SHTN1: variants seen among roughly 807,000 people sequenced by gnomAD.
The protein encoded by SHTN1 is shootin-1.
Under a neutral mutation model 83.1 loss-of-function variants are expected in SHTN1, and 42 were observed. The ratio of observed to expected loss-of-function variants is 0.51; its 90% CI spans 0.39 to 0.65. SHTN1 has a LOEUF of 0.65. SHTN1 is among the 30% of genes least tolerant of loss of function. The pLI is 0.00. For synonymous variants in SHTN1, 224 were observed against 247.7 expected (o/e 0.90, Z 0.90); for missense variants, 622 against 737.8 (o/e 0.84, Z 1.82).
intron 1 of SHTN1, among the ~76,000 whole-genome samples, chr10:117,089,904 A>G (rs1853404065): frequency 1.3e-5 from 2 of 152,142 alleles, no homozygotes; most frequent in Admixed American, 1.3e-4. Flanking sequence ...AAAAACACAA[A>G]ACAAAAAACA....
intron 1 of SHTN1, among the ~76,000 whole-genome samples, chr10:117,086,544 T>A (rs1229924031): frequency 6.6e-6 from 1 of 152,220 alleles, no homozygotes; most frequent in Non-Finnish European, 1.5e-5. Flanking sequence ...TTTTCTGCCT[T>A]CTCTGGTTTT....
At chr10:117,079,014 G>A (rs1174267301) in intron 1 of SHTN1, among the ~76,000 whole-genome samples, 1 of 82,984 alleles carries the variant, frequency 1.2e-5, no homozygotes, top group Non-Finnish European at 2.6e-5. Context: ...CTTGGCTAGA[G>A]ATTTGTGAAT....
At chr10:116,999,574 A>G (rs1851750187) in intron 1 of SHTN1, among the ~76,000 whole-genome samples, 1 of 152,232 alleles carries the variant, frequency 6.6e-6, no homozygotes, top group African/African-American at 2.4e-5. Context: ...TTTTCACTTT[A>G]CACACTTGTT....
rs61072842 is a variant in SHTN1, at chr10:116,882,969, TACACACAC to T, written c.*3367_*3374del. 4.5e-4 allele frequency: 62 copies of T among 138,600 alleles called. No individual in the cohort carries two copies. The highest frequency in any genetic ancestry group is 9.2e-4 in the African/African-American group (36 of 39,108). 8.6% of individuals were successfully genotyped at this position (138,600 alleles called of 1,614,324 possible). On this transcript the variant is annotated 3_prime_UTR_variant, in exon 17 of 17. Coordinates refer to ENST00000355371, the MANE Select transcript of SHTN1 (RefSeq NM_001127211.3). Reference sequence around the variant, plus strand: ...GGGTGTTCACATACCCTTTGAAAAATACACACACACACACACACACACACACACACATC... The same window carrying T: ...GGGTGTTCACATACCCTTTGAAAAATACACACACACACACACACACACATC...
intron 9 of SHTN1, among the ~76,000 whole-genome samples, chr10:116,933,417 GT>G (rs1271874790): frequency 3.3e-5 from 5 of 151,972 alleles, no homozygotes; most frequent in African/African-American, 1.2e-4. Context: ...TACATGCAGT[GT>G]TTGGTTTTCT....
intron 1 of SHTN1, among the ~76,000 whole-genome samples, chr10:117,081,759 C>T (rs1377343568): frequency 6.7e-6 from 1 of 148,960 alleles, no homozygotes; most frequent in Non-Finnish European, 1.5e-5. Context: ...CTGGTTTAGT[C>T]TTGGGAGAGT....
At chr10:117,036,023 C>A (rs1852491820) in intron 2 of SHTN1, among the ~76,000 whole-genome samples, 1 of 150,218 alleles carries the variant, frequency 6.7e-6, no homozygotes, top group Non-Finnish European at 1.5e-5. Flanking sequence ...GTCAAATAGG[C>A]ATATGAAAAG....
At chr10:116,963,407 T>C (rs1056218847) in intron 3 of SHTN1, among the ~76,000 whole-genome samples, 1 of 152,128 alleles carries the variant, frequency 6.6e-6, no homozygotes, top group Non-Finnish European at 1.5e-5. Flanking sequence ...GCTATTCATG[T>C]AATAATTTGC....
At chr10:116,926,645 G>A (rs1360384217) in intron 11 of SHTN1, among the ~76,000 whole-genome samples, 6 of 151,592 alleles carry the variant, frequency 4.0e-5, no homozygotes, top group Non-Finnish European at 7.4e-5. Flanking sequence ...CAGCAAAGGT[G>A]CAAAGTATGA....
chr10:117,118,838 T>C (rs1028583578), intron 1 of SHTN1, among the ~76,000 whole-genome samples: 32 of 152,182 alleles, frequency 2.1e-4, no homozygotes, highest in Non-Finnish European at 7.3e-5. Context: ...CCGTGCTTTA[T>C]ACCTGGGTGA....
At chr10:117,032,359 G>A (rs549520154) in intron 2 of SHTN1, among the ~76,000 whole-genome samples, 4 of 151,940 alleles carry the variant, frequency 2.6e-5, no homozygotes, top group Admixed American at 1.3e-4. Context: ...ACCTACCACC[G>A]TGCCCGGCTA....
chr10:117,054,827 T>C (rs1852804836), intron 1 of SHTN1, among the ~76,000 whole-genome samples: 1 of 152,184 alleles, frequency 6.6e-6, no homozygotes, highest in African/African-American at 2.4e-5. Context: ...AAGACTCCGC[T>C]TCAAGATATC....
intron 2 of SHTN1, among the ~76,000 whole-genome samples, chr10:117,027,791 C>G (rs1852352484): frequency 6.6e-6 from 1 of 152,242 alleles, no homozygotes; most frequent in Admixed American, 6.5e-5. Context: ...AGCCACCGCA[C>G]CTGGCCCAGG....
intron 16 of SHTN1, among the ~76,000 whole-genome samples, chr10:116,896,801 C>CTTTTT (rs1230730641): frequency 4.1e-5 from 5 of 121,718 alleles, no homozygotes; most frequent in Non-Finnish European, 8.7e-5. Flanking sequence ...TGATCAGGTA[C>CTTTTT]TTTTTTTTTT....
chr10:117,113,893 A>G (rs960625549), intron 1 of SHTN1, among the ~76,000 whole-genome samples: 1 of 152,146 alleles, frequency 6.6e-6, no homozygotes, highest in African/African-American at 2.4e-5. Context: ...TAAAAATACA[A>G]AAAATTAGCC....
At chr10:117,050,359 G>A (rs10787745) in intron 1 of SHTN1, among the ~76,000 whole-genome samples, 1 of 151,922 alleles carries the variant, frequency 6.6e-6, no homozygotes, top group Non-Finnish European at 1.5e-5. Flanking sequence ...ACAACTAATA[G>A]ATTAAAAAAG....
At chr10:117,006,966 T>A (rs1852026189), upstream of SHTN1, among the ~76,000 whole-genome samples, 1 of 152,094 alleles carries the variant, frequency 6.6e-6, no homozygotes, top group Admixed American at 6.6e-5. Flanking sequence ...ATATAGTACT[T>A]TAGCATGAGT....
chr10:116,919,923 GA>G (rs1272415476), intron 12 of SHTN1, among the ~76,000 whole-genome samples: 1 of 151,970 alleles, frequency 6.6e-6, no homozygotes, highest in Non-Finnish European at 1.5e-5. Context: ...TGCTAAGAGA[GA>G]AAAAAACTAA....
intron 1 of SHTN1, among the ~76,000 whole-genome samples, chr10:117,095,166 G>T (rs985937661): frequency 1.3e-5 from 2 of 152,114 alleles, no homozygotes; most frequent in Non-Finnish European, 2.9e-5. Flanking sequence ...AGCTTAGCAG[G>T]GTGCATCCAC....
Sources: allele counts gnomAD v4.1 joint callset (sites outside exome capture counted in the v4.1 genomes callset), GRCh38; gene constraint gnomAD v4.1.1; transcripts MANE v1.5; gene names NCBI Gene and HGNC (gene_info 2026-07-23, HGNC 2026-07-21).